Variants in LPA observed in about 807,000 individuals in gnomAD.
LPA encodes apolipoprotein(a).
Under a neutral mutation model 197.9 loss-of-function variants are expected in LPA, and 199 were observed. That is an observed-to-expected ratio of 1.01 (90% CI 0.90 to 1.13). The LOEUF (loss-of-function observed/expected upper bound fraction) is 1.13, where lower values mean the gene tolerates loss of function less well. Among genes scored for constraint, LPA ranks in the 50% most tolerant of loss-of-function variants. LPA has a pLI of 0.00. For missense variants in LPA, 1,853 were observed against 1,785.8 expected (o/e 1.04, Z -0.68); for synonymous variants, 715 against 639.5 (o/e 1.12, Z -1.78).
chr6:160,609,751 A>C (rs1481865237), intron 16 of LPA, among the ~76,000 whole-genome samples: 1 of 151,436 alleles, frequency 6.6e-6, no homozygotes, highest in African/African-American at 2.4e-5. Context: ...CTATTTCTTT[A>C]GGGATGTGCA....
At chr6:160,541,024 G>T in intron 35 of LPA, 83 bp downstream of exon 35, 1 of 1,150,844 alleles carries the variant, frequency 8.7e-7, no homozygotes. Flanking sequence ...AGGGGAGGGT[G>T]GGAAGAAAGA....
intron 26 of LPA, among the ~76,000 whole-genome samples, chr6:160,584,374 C>T (rs1778866881): frequency 5.5e-5 from 8 of 146,640 alleles, no homozygotes. Context: ...CTCTGTCACC[C>T]AGGCTGGAGT....
chr6:160,532,857 A>G (rs1313707985), intron 37 of LPA, among the ~76,000 whole-genome samples: 1 of 152,152 alleles, frequency 6.6e-6, no homozygotes, highest in East Asian at 1.9e-4. Flanking sequence ...GGATTCAACA[A>G]TCTGGGCTTT....
chr6:160,620,504 T>A (rs1390403316), intron 12 of LPA, among the ~76,000 whole-genome samples: 2 of 98,608 alleles, frequency 2.0e-5, no homozygotes, highest in African/African-American at 1.0e-4. Flanking sequence ...AAGACACAGC[T>A]CTTTTTCCTC....
chr6:160,603,553 T>C (rs1264992151), intron 18 of LPA, among the ~76,000 whole-genome samples: 1 of 152,220 alleles, frequency 6.6e-6, no homozygotes, highest in Non-Finnish European at 1.5e-5. Context: ...AGTTGACATA[T>C]TGATATGTCA....
At chr6:160,592,651 T>C (rs1255716009) in intron 22 of LPA, among the ~76,000 whole-genome samples, 2 of 152,208 alleles carry the variant, frequency 1.3e-5, no homozygotes, top group African/African-American at 4.8e-5. Flanking sequence ...GAAACTTGTA[T>C]TCGTTCCTTA....
chr6:160,579,442 A>T (rs41272126), intron 26 of LPA, among the ~76,000 whole-genome samples: 1,648 of 152,234 alleles, frequency 0.011, 33 homozygotes, highest in African/African-American at 0.038. Flanking sequence ...TGCTGGCTGC[A>T]GCCACTCTGG....
chr6:160,594,095 C>T lies in LPA; in HGVS notation c.3492G>A (p.Gly1164=), dbSNP rs572585589. ...CATCACCATGGTAGCAATCCTGGAC[C>T]CCGGGGCTTTGCTCCGTTGGTGCTG... The part of the protein sequence containing the change: ...SEEAPTEQSP[G]VQDCYHGDGQ... Residue 1164 remains glycine, a synonymous_variant, in exon 22 of 39, where the codon GGG becomes GGA. Coordinates refer to ENST00000316300, the MANE Select transcript of LPA (RefSeq NM_005577.4). The T allele has an allele frequency of 8.1e-5, 131 of 1,613,826 alleles. No homozygotes were observed. The African/African-American group carries it at 1.6e-3, about 19-fold the overall frequency.
chr6:160,600,275 G>T (rs574166498), intron 19 of LPA, among the ~76,000 whole-genome samples: 148 of 152,204 alleles, frequency 9.7e-4, no homozygotes, highest in Middle Eastern at 3.4e-3. Context: ...TTGCAATAAA[G>T]CAAAAGTCTA....
chr6:160,538,528 C>G (rs1777927423), intron 36 of LPA, among the ~76,000 whole-genome samples: 1 of 152,108 alleles, frequency 6.6e-6, no homozygotes, highest in Non-Finnish European at 1.5e-5. Context: ...TATTGTTTTC[C>G]AAGGACATTC....
At chr6:160,604,920 G>C in intron 18 of LPA, 126 bp downstream of exon 18, 1 of 1,425,014 alleles carries the variant, frequency 7.0e-7, no homozygotes, top group East Asian at 2.3e-5. Flanking sequence ...ATGTTCCTGA[G>C]ACATTTTGCT....
chr6:160,563,101 T>C (rs923972695), intron 28 of LPA, among the ~76,000 whole-genome samples: 2 of 152,230 alleles, frequency 1.3e-5, no homozygotes, highest in Non-Finnish European at 2.9e-5. Context: ...TTTCTTGTCT[T>C]CTGCTAGCTT....
At position 160,606,353 on chromosome 6, in the gene LPA, A is replaced by G. The variant is rs938706043; in HGVS notation, c.2785+124T>C. On this transcript the variant is annotated intron_variant, in intron 17 of 38. Coordinates refer to ENST00000316300, the MANE Select transcript of LPA (RefSeq NM_005577.4). The stretch of plus-strand genomic sequence containing the variant: ...AGAGTGCACGGAGGCTTCCTCCTAC[A>G]TGACAGAACTCAGTCAACACTCGAG... 38 of 1,396,634 alleles carry G rather than the reference A, an allele frequency of 2.7e-5. No individual in the cohort carries two copies. The African/African-American group carries it at 4.1e-4, about 15-fold the overall frequency. The allele number at this position is 1,396,634 out of a possible 1,614,324, so 86.5% of individuals were successfully genotyped here.
At chr6:160,611,303 T>C (rs1779508898) in intron 16 of LPA, among the ~76,000 whole-genome samples, 1 of 152,078 alleles carries the variant, frequency 6.6e-6, no homozygotes, top group African/African-American at 2.4e-5. Flanking sequence ...TGGTGGTTCG[T>C]CATTCTGACT....
Position 160,605,104 on chromosome 6 carries a change from C to T in LPA, c.2887G>A (p.Ala963Thr), listed in dbSNP as rs1562341015. ...GAGTGTGGTGTCATAGATGACCAAG[C>T]TTGGCAGGTTCTTCCTGTGACAGTA... ...FITVTGRTCQ[A>T]WSSMTPHSHS... is the part of the protein sequence containing the mutation. The change falls in exon 18 of 39, where the codon GCT (alanine) becomes ACT (threonine). Residue 963 changes from alanine (A) to threonine (T), a missense_variant. Physicochemically the swap from Ala to Thr is moderately conservative, Grantham distance 58 (BLOSUM62 0). Around this residue, in one of 3 missense-constraint regions of LPA, gnomAD observed 1,737 missense variants for 1,504.4 expected, o/e 1.15. Coordinates refer to ENST00000316300, the MANE Select transcript of LPA (RefSeq NM_005577.4). 5 of 1,613,934 alleles carry T rather than the reference C, an allele frequency of 3.1e-6. No individual in the cohort carries two copies. Among genetic ancestry groups the T allele is most frequent in the Non-Finnish European group, 2.5e-6 (3 of 1,179,838 alleles).
At chr6:160,647,003 T>C (rs1369157068) in intron 2 of LPA, among the ~76,000 whole-genome samples, 2 of 152,140 alleles carry the variant, frequency 1.3e-5, no homozygotes, top group South Asian at 2.1e-4. Context: ...GTCATTCCCA[T>C]ATCATGTCGG....
chr6:160,566,818 C>T (rs1413627995), intron 28 of LPA, among the ~76,000 whole-genome samples: 1 of 151,750 alleles, frequency 6.6e-6, no homozygotes, highest in Admixed American at 6.6e-5. Flanking sequence ...AAATGGAAAA[C>T]AACAAAAAAA....
intron 16 of LPA, among the ~76,000 whole-genome samples, chr6:160,609,426 C>G (rs1779432646): frequency 6.6e-6 from 1 of 152,112 alleles, no homozygotes; most frequent in South Asian, 2.1e-4. Context: ...TAGGAAGACA[C>G]AGCTCTTTTT....
chr6:160,540,017 G>T (rs1271299370), intron 36 of LPA, 26 bp downstream of exon 36: 1 of 1,613,908 alleles, frequency 6.2e-7, no homozygotes, highest in African/African-American at 1.3e-5. Flanking sequence ...ACCAGCGTGG[G>T]GTGAAGACCA....
Sources: allele counts gnomAD v4.1 joint callset (sites outside exome capture counted in the v4.1 genomes callset), GRCh38; gene constraint gnomAD v4.1.1; regional missense constraint gnomAD v4.1.1; transcripts MANE v1.5; gene names NCBI Gene and HGNC (gene_info 2026-07-23, HGNC 2026-07-21).